The following LRRC4C variants were observed in gnomAD, a reference collection of about 807,000 sequenced individuals.
LRRC4C encodes leucine rich repeat containing 4C, also known as leucine-rich repeat-containing protein 4C.
LRRC4C carries 5 observed loss-of-function variants against 33.6 expected under a neutral mutation model. The observed-to-expected ratio is 0.15, with a 90% CI of 0.08 to 0.31. The LOEUF (loss-of-function observed/expected upper bound fraction) is 0.31, where lower values mean the gene tolerates loss of function less well. Among genes scored for constraint, LRRC4C ranks in the 10% least tolerant of loss-of-function variants. The pLI is 1.00. For synonymous variants in LRRC4C, 329 were observed against 302.0 expected (o/e 1.09, Z -0.93); for missense variants, 560 against 796.7 (o/e 0.70, Z 3.58).
chr11:40,303,911 C>T (rs1944902759), intron 4 of LRRC4C, among the ~76,000 whole-genome samples: 1 of 152,160 alleles, frequency 6.6e-6, no homozygotes, highest in Admixed American at 6.5e-5. Context: ...ATTATTCAAC[C>T]TTTCATAAAC....
chr11:40,952,881 C>T (rs1370249342), intron 1 of LRRC4C, among the ~76,000 whole-genome samples: 1 of 111,282 alleles, frequency 9.0e-6, no homozygotes, highest in Non-Finnish European at 2.0e-5. Context: ...CACACACACA[C>T]ACACACACAC....
At chr11:40,545,305 G>T (rs1222320785) in intron 3 of LRRC4C, among the ~76,000 whole-genome samples, 1 of 150,888 alleles carries the variant, frequency 6.6e-6, no homozygotes, top group African/African-American at 2.4e-5. Context: ...AAGAGGATAG[G>T]AATTAATAAC....
At chr11:40,151,363 AC>A (rs1241729337) in intron 5 of LRRC4C, among the ~76,000 whole-genome samples, 2 of 152,216 alleles carry the variant, frequency 1.3e-5, no homozygotes, top group Admixed American at 1.3e-4. Context: ...GCCCAATTAT[AC>A]AGCAATTCTT....
chr11:40,621,750 G>C (rs983814510), intron 3 of LRRC4C, among the ~76,000 whole-genome samples: 1 of 151,748 alleles, frequency 6.6e-6, no homozygotes, highest in Admixed American at 6.6e-5. Context: ...TAATTGACTG[G>C]ATATAAAATA....
At chr11:41,145,359 ATTGAGT>A (rs1943683056) in intron 1 of LRRC4C, among the ~76,000 whole-genome samples, 1 of 152,160 alleles carries the variant, frequency 6.6e-6, no homozygotes, top group Non-Finnish European at 1.5e-5. Flanking sequence ...ATAATTAATA[ATTGAGT>A]TTATTCTTTT....
At chr11:41,448,306 T>C (rs1039232059) in intron 1 of LRRC4C, among the ~76,000 whole-genome samples, 4 of 59,198 alleles carry the variant, frequency 6.8e-5, no homozygotes, top group Non-Finnish European at 1.5e-4. Context: ...ACATAGAGCT[T>C]TTTTTTTTTT....
At chr11:41,120,965 G>C (rs936188122) in intron 1 of LRRC4C, among the ~76,000 whole-genome samples, 1 of 152,068 alleles carries the variant, frequency 6.6e-6, no homozygotes, top group Non-Finnish European at 1.5e-5. Context: ...TGTGATGATT[G>C]TAAGTTTCCT....
intron 2 of LRRC4C, among the ~76,000 whole-genome samples, chr11:40,663,414 T>A (rs1943550846): frequency 6.6e-6 from 1 of 152,208 alleles, no homozygotes; most frequent in Admixed American, 6.5e-5. Flanking sequence ...TTCTTCCTTT[T>A]GGTAATTAAT....
At chr11:40,293,514 G>A (rs1349274157) in intron 4 of LRRC4C, 1 of 151,958 alleles carries the variant, frequency 6.6e-6, no homozygotes. Flanking sequence ...CGAGGTGATG[G>A]AAGTTGAGAC....
intron 2 of LRRC4C, among the ~76,000 whole-genome samples, chr11:40,662,990 A>G (rs1366159010): frequency 2.0e-5 from 3 of 152,222 alleles, no homozygotes; most frequent in Non-Finnish European, 4.4e-5. Context: ...TCATAAGTTA[A>G]ATTATATCTC....
chr11:41,395,728 C>G (rs1301102523), intron 1 of LRRC4C, among the ~76,000 whole-genome samples: 1 of 151,984 alleles, frequency 6.6e-6, no homozygotes, highest in Non-Finnish European at 1.5e-5. Context: ...TAATTGGTCT[C>G]TTGATCCAAC....
At chr11:41,200,321 G>A (rs767014568) in intron 1 of LRRC4C, among the ~76,000 whole-genome samples, 1 of 152,042 alleles carries the variant, frequency 6.6e-6, no homozygotes, top group African/African-American at 2.4e-5. Context: ...AAATGCTGTG[G>A]AAGTAAAAAG....
At chr11:40,788,567 T>A (rs1390302382) in intron 2 of LRRC4C, among the ~76,000 whole-genome samples, 3 of 152,252 alleles carry the variant, frequency 2.0e-5, no homozygotes, top group Non-Finnish European at 2.9e-5. Flanking sequence ...GGCAATTGAA[T>A]AATATTAACA....
chr11:40,383,896 G>T (rs924145889), intron 3 of LRRC4C, among the ~76,000 whole-genome samples: 6 of 135,948 alleles, frequency 4.4e-5, no homozygotes, highest in African/African-American at 1.3e-4. Context: ...TGTTGCCCAG[G>T]CTCCCTTGCT....
chr11:40,525,540 T>A (rs1220716527), intron 3 of LRRC4C, among the ~76,000 whole-genome samples: 1 of 151,692 alleles, frequency 6.6e-6, no homozygotes, highest in East Asian at 1.9e-4. Flanking sequence ...TAGAAAAGCA[T>A]CTAATGGAAA....
intron 1 of LRRC4C, among the ~76,000 whole-genome samples, chr11:41,169,682 C>T (rs747090057): frequency 2.6e-5 from 4 of 152,124 alleles, no homozygotes; most frequent in Non-Finnish European, 1.5e-5. Context: ...ATACTGATCG[C>T]ACTTTAAATT....
intron 2 of LRRC4C, among the ~76,000 whole-genome samples, chr11:40,781,125 A>G (rs1950195226): frequency 1.3e-5 from 2 of 152,142 alleles, no homozygotes; most frequent in Admixed American, 6.5e-5. Context: ...TCCGTACAGC[A>G]TGTTACTGTG....
chr11:40,740,471 T>C (rs1309020730), intron 2 of LRRC4C, among the ~76,000 whole-genome samples: 1 of 151,882 alleles, frequency 6.6e-6, no homozygotes, highest in Non-Finnish European at 1.5e-5. Flanking sequence ...TCATGTCCTT[T>C]TTCCATTAAA....
intron 3 of LRRC4C, among the ~76,000 whole-genome samples, chr11:40,560,780 G>T (rs1039016940): frequency 6.6e-6 from 1 of 152,106 alleles, no homozygotes; most frequent in Non-Finnish European, 1.5e-5. Flanking sequence ...GCTCTGTTTT[G>T]GAAGTGGTGA....
Sources: gnomAD v4.1 joint callset for allele counts (sites outside exome capture counted in the v4.1 genomes callset) on GRCh38, gnomAD v4.1.1 for gene constraint, MANE v1.5 for transcripts, NCBI Gene and HGNC (gene_info 2026-07-23, HGNC 2026-07-21) for gene names.